Variants in FAM217B observed in about 807,000 individuals in gnomAD.
FAM217B encodes the protein protein FAM217B.
For synonymous variants in FAM217B, 163 were observed against 173.0 expected, an observed-to-expected ratio of 0.94 and a Z score of 0.45; for missense variants, 463 against 456.9, an observed-to-expected ratio of 1.01 and a Z score of -0.12.
At chr20:59,939,616 C>A (rs752075250), upstream of FAM217B, 2 of 1,590,498 alleles carry the variant, frequency 1.3e-6, no homozygotes, top group Non-Finnish European at 1.7e-6. Context: ...AGGGCGTCGG[C>A]GAAGCGCACG....
upstream of FAM217B, chr20:59,939,074 C>G: frequency 2.5e-6 from 4 of 1,577,064 alleles, no homozygotes; most frequent in Non-Finnish European, 3.4e-6. Flanking sequence ...CCCCGCGAGG[C>G]ATGTGCAGCG....
chr20:59,944,365 A>T lies in FAM217B; in HGVS notation c.422A>T (p.Tyr141Phe), dbSNP rs570477685. 1 of 1,614,028 alleles carries T rather than the reference A, an allele frequency of 6.2e-7. No individual in the cohort carries two copies. Among genetic ancestry groups the T allele is most frequent in the African/African-American group, 1.3e-5 (1 of 74,976 alleles). ...CAGGGCCATACAAAACCTGAATACT[A>T]TTATCCTAATTTCCTTCCATCCCCT... The part of the protein sequence containing the change: ...PGQGHTKPEY[Y>F]YPNFLPSPFS... The change falls in exon 4 of 4, where the codon TAT becomes TTT. Residue 141 changes from tyrosine to phenylalanine, a missense_variant. Tyr to Phe is a conservative substitution (Grantham distance 22). Coordinates refer to ENST00000360816, the MANE Select transcript of FAM217B (RefSeq NM_022106.3).
At position 59,944,424 on chromosome 20, in the gene FAM217B, C is replaced by T; in HGVS notation, c.481C>T (p.Leu161Phe). ...CTGGGACCTACGAGATATGGCCCTGCTTCTGAACGCAGAGAACAAAACGGA... is the reference window on the plus strand; with the variant it reads ...CTGGGACCTACGAGATATGGCCCTGTTTCTGAACGCAGAGAACAAAACGGA... ...SSWDLRDMAL[L>F]LNAENKTEAV... Residue 161 changes from leucine (L) to phenylalanine (F), a missense_variant, in exon 4 of 4, where the codon CTT (leucine) becomes TTT (phenylalanine). Coordinates refer to ENST00000360816, the MANE Select transcript of FAM217B (RefSeq NM_022106.3). The T allele has an allele frequency of 6.2e-7, 1 of 1,614,086 alleles. No homozygotes were observed. The highest frequency in any genetic ancestry group is 1.7e-5 in the Admixed American group (1 of 60,010).
chr20:59,945,733 T>A lies in FAM217B; in HGVS notation c.*638T>A, dbSNP rs539686154. 111 of 163,776 alleles carry A rather than the reference T, an allele frequency of 6.8e-4. No homozygotes were observed. The highest frequency in any genetic ancestry group is 1.3e-3 in the Non-Finnish European group (90 of 67,332). 10.1% of individuals were successfully genotyped at this position (163,776 alleles called of 1,614,324 possible). A position where few individuals can be genotyped will look rare whatever the true frequency, so the allele number is the denominator to read the frequency against. On this transcript the variant is annotated 3_prime_UTR_variant, in exon 4 of 4. Coordinates refer to ENST00000360816, the MANE Select transcript of FAM217B (RefSeq NM_022106.3). ...CTTTAATACATTTTCTCTGACATGG[T>A]TTTTTTTTTCTTTTTTGAGGGGCAT...
chr20:59,934,309 T>G (rs2060839602), intron 1 of FAM217B, among the ~76,000 whole-genome samples: 1 of 152,196 alleles, frequency 6.6e-6, no homozygotes, highest in South Asian at 2.1e-4. Context: ...ATTTAAGAGA[T>G]CCGTTTAACT....
rs943406201 is a variant in FAM217B at position 59,946,845 on chromosome 20, GC to G, written c.*1751del. 11 of 167,002 alleles carry G rather than the reference GC, an allele frequency of 6.6e-5. No homozygotes were observed. Among genetic ancestry groups the G allele is most frequent in the African/African-American group, 2.6e-4 (11 of 41,520 alleles). The allele number at this position is 167,002 out of a possible 1,614,324, so 10.3% of individuals were successfully genotyped here. A position where few individuals can be genotyped will look rare whatever the true frequency, so the allele number is the denominator to read the frequency against. On this transcript the variant is annotated 3_prime_UTR_variant, in exon 4 of 4. Transcript: ENST00000360816. ...TTTTATATTTGGAAAACAGCACTAC[GC>G]TTAGTTTTCCTGTAGTTCCTGAGTG...
chr20:59,934,974 A>T (rs1318400540), intron 1 of FAM217B, among the ~76,000 whole-genome samples: 1 of 152,212 alleles, frequency 6.6e-6, no homozygotes, highest in East Asian at 1.9e-4. Context: ...TTGATATCTT[A>T]GTTTTTTAAT....
chr20:59,938,792 C>T (rs2060877266), upstream of FAM217B: 4 of 385,286 alleles, frequency 1.0e-5, 1 homozygote, highest in Non-Finnish European at 1.8e-5. Context: ...ACCACCCTGC[C>T]CCAACTCATT....
At position 59,944,978 on chromosome 20, in the gene FAM217B, A is replaced by AGCACAT. The variant is rs2145953348; in HGVS notation, c.1042_1047dup (p.Ala348_His349dup). On this transcript the variant is annotated inframe_insertion, in exon 4 of 4. Transcript: ENST00000360816. ...ATTCCTGTAAGGCCTCCAAAACACA[A>AGCACAT]GCACATGCACATCCTAGGAAAAAGG... 2.5e-6 allele frequency: 4 copies of AGCACAT among 1,614,220 alleles called. No individual in the cohort carries two copies. The highest frequency in any genetic ancestry group is 3.4e-6 in the Non-Finnish European group (4 of 1,180,040).
upstream of FAM217B, among the ~76,000 whole-genome samples, chr20:59,935,882 C>G (rs934305991): frequency 6.6e-6 from 1 of 152,218 alleles, no homozygotes; most frequent in Non-Finnish European, 1.5e-5. Context: ...AGAGCATTGA[C>G]TTTGAAACAG....
rs752289032 is a variant in FAM217B, at chr20:59,944,857, G to T, written c.914G>T (p.Arg305Leu). ...TCAAGTAAGAGTACGAAGCTGCAGC[G>T]CTGGGATCTGTCCGGCAGTGGAAGC... ...KKSSKSTKLQ[R>L]WDLSGSGSSS... Residue 305 changes from arginine (R) to leucine (L), a missense_variant, in exon 4 of 4, where the codon CGC (arginine) becomes CTC (leucine). Transcript: ENST00000360816. 4 of 1,614,172 alleles carry T rather than the reference G, an allele frequency of 2.5e-6. No homozygotes were observed. Among genetic ancestry groups the T allele is most frequent in the South Asian group, 1.1e-5 (1 of 91,086 alleles).
chr20:59,944,548 A>AGGG lies in FAM217B; in HGVS notation c.609_611dup (p.Gly204dup), dbSNP rs762805656. The AGGG allele has an allele frequency of 1.2e-6, 2 of 1,613,936 alleles. No individual in the cohort carries two copies. Among genetic ancestry groups the AGGG allele is most frequent in the African/African-American group, 2.7e-5 (2 of 74,892 alleles). On this transcript the variant is annotated inframe_insertion, in exon 4 of 4. Transcript: ENST00000360816. ...CAGACTGTACAGTGTGAAAAAGCAA[A>AGGG]GGGGGGCAAAGCAAGGCCCCCCACT... is the stretch of plus-strand genomic sequence containing the variant.
chr20:59,944,452 C>T lies in FAM217B; in HGVS notation c.509C>T (p.Ala170Val), dbSNP rs1195191947. 24 of 1,613,822 alleles carry T rather than the reference C, an allele frequency of 1.5e-5. No individual in the cohort carries two copies. The highest frequency in any genetic ancestry group is 1.5e-5 in the Non-Finnish European group (18 of 1,180,012). ...CTGAACGCAGAGAACAAAACGGAAG[C>T]CGTGCCCCGAGTGGGAGGACTTCTT... ...LLLNAENKTE[A>V]VPRVGGLLGK... Residue 170 changes from alanine (A) to valine (V), a missense_variant, in exon 4 of 4, where the codon GCC becomes GTC. By Grantham distance (64) the Ala-to-Val change is moderately conservative. Coordinates refer to ENST00000360816, the MANE Select transcript of FAM217B (RefSeq NM_022106.3).
chr20:59,940,187 CG>C (rs2060892307), upstream of FAM217B: 1 of 371,822 alleles, frequency 2.7e-6, no homozygotes, highest in Non-Finnish European at 5.0e-6. Flanking sequence ...AGAGGCCTCC[CG>C]GGAGCGCAGG....
intron 3 of FAM217B, among the ~76,000 whole-genome samples, chr20:59,943,571 A>G (rs114164523): frequency 0.027 from 4,145 of 152,260 alleles, 186 homozygotes; most frequent in African/African-American, 0.095. Flanking sequence ...GATGGTAACA[A>G]TTCCAGAGTT....
Position 59,944,328 on chromosome 20 carries a change from C to T in FAM217B, c.385C>T (p.Leu129Phe). The T allele has an allele frequency of 1.2e-6, 2 of 1,614,126 alleles. No individual in the cohort carries two copies. Among genetic ancestry groups the T allele is most frequent in the Non-Finnish European group, 1.7e-6 (2 of 1,180,008 alleles). Residue 129 changes from leucine (L) to phenylalanine (F), a missense_variant, in exon 4 of 4, where the codon CTT (leucine) becomes TTT (phenylalanine). By Grantham distance (22) the Leu-to-Phe change is conservative. Transcript: ENST00000360816. ...AGAAATTGATCCAGTTTACTTTGAT[C>T]TTCACCCTGGTCAGGGCCATACAAA... ...AEEIDPVYFD[L>F]HPGQGHTKPE...
intron 1 of FAM217B, among the ~76,000 whole-genome samples, chr20:59,934,462 G>C (rs1026325460): frequency 1.3e-5 from 2 of 152,154 alleles, no homozygotes; most frequent in Non-Finnish European, 2.9e-5. Flanking sequence ...CCGTGCTCGC[G>C]TTCTGAGATG....
chr20:59,939,683 CT>C, upstream of FAM217B: 1 of 1,435,244 alleles, frequency 7.0e-7, no homozygotes, highest in East Asian at 2.8e-5. Flanking sequence ...CCGCGGCCTT[CT>C]GGCGGCGCTC....
rs570511608 is a variant in FAM217B at position 59,943,935 on chromosome 20, C to G, written c.-4-5C>G. On this transcript the variant is annotated splice_region_variant and splice_polypyrimidine_tract_variant and intron_variant, in intron 3 of 3. Transcript: ENST00000360816. ...GGTAAGAATTGCAGTTTTATTTTCTCACAGCAATATGAATGCTGGCCCATC... is the reference window on the plus strand; with the variant it reads ...GGTAAGAATTGCAGTTTTATTTTCTGACAGCAATATGAATGCTGGCCCATC... 12 of 1,571,362 alleles carry G rather than the reference C, an allele frequency of 7.6e-6. 1 individual carries two copies. The South Asian group carries it at 1.4e-4, about 19-fold the overall frequency.
Sources: gnomAD v4.1 joint callset for allele counts (sites outside exome capture counted in the v4.1 genomes callset) on GRCh38, gnomAD v4.1.1 for gene constraint, MANE v1.5 for transcripts, NCBI Gene and HGNC (gene_info 2026-07-23, HGNC 2026-07-21) for gene names.